Variants in AIG1 observed in about 807,000 individuals in gnomAD.
AIG1 encodes androgen induced 1.
In AIG1, 23 loss-of-function variants were observed where a neutral mutation model predicts 31.4. The ratio of observed to expected loss-of-function variants is 0.73; its 90% CI spans 0.53 to 1.04. AIG1 has a LOEUF of 1.04. Among genes scored for constraint, AIG1 ranks in the 50% least tolerant of loss-of-function variants. The probability of loss-of-function intolerance (pLI) is 0.00; values close to 1 mark genes in which losing one functional copy is unlikely to be tolerated. For missense variants in AIG1, 274 were observed against 295.0 expected (o/e 0.93, Z 0.52); for synonymous variants, 100 against 110.5 (o/e 0.90, Z 0.60).
chr6:143,263,079 A>AT (rs1237496819), intron 3 of AIG1, among the ~76,000 whole-genome samples: 1 of 152,172 alleles, frequency 6.6e-6, no homozygotes, highest in Non-Finnish European at 1.5e-5. Flanking sequence ...TTTGGTCATG[A>AT]TTATGTATAA....
intron 3 of AIG1, among the ~76,000 whole-genome samples, chr6:143,242,257 G>A (rs1794291713): frequency 6.6e-6 from 1 of 152,182 alleles, no homozygotes; most frequent in Non-Finnish European, 1.5e-5. Flanking sequence ...ACTGAAGACT[G>A]AGTGGCAGGG....
intron 1 of AIG1, among the ~76,000 whole-genome samples, chr6:143,094,770 T>G (rs936639250): frequency 1.3e-5 from 2 of 151,988 alleles, no homozygotes; most frequent in African/African-American, 4.8e-5. Context: ...AACAACTTTA[T>G]GCAACCATTG....
At chr6:143,076,270 GA>G (rs1156408896) in intron 1 of AIG1, among the ~76,000 whole-genome samples, 2 of 152,168 alleles carry the variant, frequency 1.3e-5, no homozygotes, top group Admixed American at 1.3e-4. Flanking sequence ...TACACATTTG[GA>G]AATGCTATGT....
intron 2 of AIG1, among the ~76,000 whole-genome samples, chr6:143,155,555 C>T (rs1004360733): frequency 1.4e-4 from 21 of 151,756 alleles, no homozygotes; most frequent in Non-Finnish European, 2.9e-5. Flanking sequence ...TTAAGTAGGC[C>T]GGTGTTACAA....
At position 143,145,226 on chromosome 6, in the gene AIG1, T is replaced by C. The variant is rs564379447; in HGVS notation, c.297+8236T>C. ...TTTTTGTAGACATGGGGTTTCACCA[T>C]GTTGCCCAGGCTGGTCTCAAACTCC... On this transcript the variant is annotated intron_variant, in intron 2 of 5. Coordinates refer to ENST00000357847, the MANE Select transcript of AIG1 (RefSeq NM_016108.4). Among the ~76,000 whole-genome samples, 8 of 152,294 alleles carry C rather than the reference T, an allele frequency of 5.3e-5. 1 individual carries two copies. In the South Asian group the frequency reaches 1.7e-3, roughly 32 times the overall value.
chr6:143,230,187 T>A (rs1442057040), intron 3 of AIG1, among the ~76,000 whole-genome samples: 1 of 152,158 alleles, frequency 6.6e-6, no homozygotes, highest in Admixed American at 6.5e-5. Flanking sequence ...CAATGGAAGG[T>A]ATGATATTGC....
intron 2 of AIG1, among the ~76,000 whole-genome samples, chr6:143,153,439 C>G (rs1785434041): frequency 6.6e-6 from 1 of 152,160 alleles, no homozygotes; most frequent in African/African-American, 2.4e-5. Context: ...GCTCCACCTC[C>G]CGGGTTCAAG....
At chr6:143,148,694 G>A (rs757745529) in intron 2 of AIG1, among the ~76,000 whole-genome samples, 5 of 151,942 alleles carry the variant, frequency 3.3e-5, no homozygotes, top group Non-Finnish European at 7.4e-5. Flanking sequence ...TTGGTAGCAT[G>A]CTCCTGTAGT....
At chr6:143,061,534 T>G in intron 1 of AIG1, 1 of 322,946 alleles carries the variant, frequency 3.1e-6, no homozygotes, top group South Asian at 2.6e-5. Flanking sequence ...GAACTTCACC[T>G]GAAAGAACCA....
chr6:143,333,830 T>A lies in AIG1; in HGVS notation c.679+385T>A, dbSNP rs971720313. Among the ~76,000 whole-genome samples, 13 of 148,928 alleles carry A rather than the reference T, an allele frequency of 8.7e-5. No homozygotes were observed. Among genetic ancestry groups the A allele is most frequent in the Non-Finnish European group, 1.9e-4 (13 of 66,908 alleles). The stretch of plus-strand genomic sequence containing the variant: ...TAGATACATTATTAAATGTAACCAA[T>A]CTCCTTTAAAGTCACCCAGATCTCC... On this transcript the variant is annotated intron_variant, in intron 5 of 5. Transcript: ENST00000357847. This position sits in a 1 kb window ranked among gnomAD's most constrained non-coding sequence, Gnocchi z 4.6.
At position 143,251,356 on chromosome 6, in the gene AIG1, G is replaced by A. The variant is rs190778391; in HGVS notation, c.400-32754G>A. On this transcript the variant is annotated intron_variant, in intron 3 of 5. Coordinates refer to ENST00000357847, the MANE Select transcript of AIG1 (RefSeq NM_016108.4). ...AGTGAGCCACCGTGCCCGGCCGATT[G>A]TTGTTTTAAATGACCCAAGCTGTAG... Among the ~76,000 whole-genome samples the A allele has an allele frequency of 2.6e-3, 393 of 152,268 alleles. 5 individuals carry two copies. The highest frequency in any genetic ancestry group is 3.8e-4 in the Non-Finnish European group (26 of 68,016).
chr6:143,159,132 C>A (rs1486343916), intron 2 of AIG1, among the ~76,000 whole-genome samples: 1 of 152,192 alleles, frequency 6.6e-6, no homozygotes, highest in African/African-American at 2.4e-5. Context: ...AACAGAGAAT[C>A]CAGCCATGTG....
chr6:143,338,047 C>G lies in AIG1; in HGVS notation c.680-1592C>G. 2.5e-6 allele frequency: 1 copy of G among 398,650 alleles called. No homozygotes were observed. The allele number at this position is 398,650 out of a possible 1,614,324, so 24.7% of individuals were successfully genotyped here. ...CAATGAATACCCCCCGTTCTCCACCCGCGCTTTTGAAGATTCCAGCACTGC... is the reference window on the plus strand; with the variant it reads ...CAATGAATACCCCCCGTTCTCCACCGGCGCTTTTGAAGATTCCAGCACTGC... On this transcript the variant is annotated intron_variant, in intron 5 of 5. Transcript: ENST00000357847. The surrounding 1 kb of genome is among the most constrained non-coding windows in gnomAD (Gnocchi z 4.3).
chr6:143,074,571 T>C (rs1406732278), intron 1 of AIG1, among the ~76,000 whole-genome samples: 1 of 152,234 alleles, frequency 6.6e-6, no homozygotes, highest in African/African-American at 2.4e-5. Flanking sequence ...TTGAATTCAT[T>C]TCTGAGCTCT....
chr6:143,233,778 T>G (rs1237012422), intron 3 of AIG1, among the ~76,000 whole-genome samples: 1 of 152,172 alleles, frequency 6.6e-6, no homozygotes, highest in Non-Finnish European at 1.5e-5. Context: ...CACATTCAGA[T>G]AGGTTACAGT....
chr6:143,095,059 T>C (rs554053567), intron 1 of AIG1, among the ~76,000 whole-genome samples: 1 of 152,140 alleles, frequency 6.6e-6, no homozygotes, highest in Non-Finnish European at 1.5e-5. Context: ...GGAAATGCAA[T>C]AGCAAAATTA....
rs890291423 is a variant in AIG1, at chr6:143,137,117, C to T, written c.297+127C>T. ...TATTAGTTTGCTGGAGCTGTCAGTA[C>T]CACAGATGCGGTGGCTTAAACAACA... On this transcript the variant is annotated intron_variant, in intron 2 of 5. Coordinates refer to ENST00000357847, the MANE Select transcript of AIG1 (RefSeq NM_016108.4). The T allele has an allele frequency of 1.6e-5, 16 of 1,029,832 alleles. No homozygotes were observed. The African/African-American group carries it at 2.6e-4, about 17-fold the overall frequency. The allele number at this position is 1,029,832 out of a possible 1,614,324, so 63.8% of individuals were successfully genotyped here. A position where few individuals can be genotyped will look rare whatever the true frequency, so the allele number is the denominator to read the frequency against.
At chr6:143,260,666 G>A (rs781306250) in intron 3 of AIG1, among the ~76,000 whole-genome samples, 2 of 152,108 alleles carry the variant, frequency 1.3e-5, no homozygotes, top group African/African-American at 4.8e-5. Flanking sequence ...TACATTGCCT[G>A]GTTTACTTCA....
Position 143,334,991 on chromosome 6 carries a change from T to C in AIG1, c.679+1546T>C. ...AAGGTTTTTTGAATGATTTGTTTAATTTATGCCATTCTTTTAAGTAACATA... is the reference window on the plus strand; with the variant it reads ...AAGGTTTTTTGAATGATTTGTTTAACTTATGCCATTCTTTTAAGTAACATA... On this transcript the variant is annotated intron_variant, in intron 5 of 5. Coordinates refer to ENST00000357847, the MANE Select transcript of AIG1 (RefSeq NM_016108.4). This position sits in a 1 kb window ranked among gnomAD's most constrained non-coding sequence, Gnocchi z 5.1. 2.0e-6 allele frequency: 2 copies of C among 984,854 alleles called. No homozygotes were observed. Among genetic ancestry groups the C allele is most frequent in the South Asian group, 2.6e-5 (1 of 39,038 alleles). 61.0% of individuals were successfully genotyped at this position (984,854 alleles called of 1,614,324 possible).
Sources: gnomAD v4.1 joint callset for allele counts (sites outside exome capture counted in the v4.1 genomes callset) on GRCh38, gnomAD v4.1.1 for gene constraint, Gnocchi (gnomAD v3.1) non-coding constraint, MANE v1.5 for transcripts, NCBI Gene and HGNC (gene_info 2026-07-23, HGNC 2026-07-21) for gene names.